PLEKHA8: variants seen among roughly 807,000 people sequenced by gnomAD.
PLEKHA8 encodes the protein pleckstrin homology domain-containing family A member 8.
Under a neutral mutation model 68.2 loss-of-function variants are expected in PLEKHA8, and 36 were observed. That is an observed-to-expected ratio of 0.53 (90% confidence interval 0.40 to 0.70). The LOEUF (loss-of-function observed/expected upper bound fraction) is 0.70, where lower values mean the gene tolerates loss of function less well. Ranked by LOEUF, PLEKHA8 falls within the 30% of genes least tolerant of loss-of-function variation. The pLI is 0.00. For synonymous variants in PLEKHA8, 211 were observed against 216.1 expected, an observed-to-expected ratio of 0.98 and a Z score of 0.20; for missense variants, 505 against 615.4, an observed-to-expected ratio of 0.82 and a Z score of 1.90.
At chr7:30,072,415 A>C (rs1794296963) in intron 12 of PLEKHA8, among the ~76,000 whole-genome samples, 1 of 152,274 alleles carries the variant, frequency 6.6e-6, no homozygotes, top group Non-Finnish European at 1.5e-5. Flanking sequence ...ATATTCTAAA[A>C]GTATTAATAA....
intron 13 of PLEKHA8, among the ~76,000 whole-genome samples, chr7:30,076,353 G>A (rs1372726844): frequency 6.6e-6 from 1 of 152,058 alleles, no homozygotes; most frequent in African/African-American, 2.4e-5. Context: ...GAATAAAACA[G>A]GTTAGAAATA....
chr7:30,046,065 GA>G (rs1269339477), intron 2 of PLEKHA8, 144 bp from the exon 3 acceptor site: 1 of 687,546 alleles, frequency 1.5e-6, no homozygotes, highest in African/African-American at 1.8e-5. Context: ...AACTTTGTGT[GA>G]ATTAGGAGAG....
chr7:30,129,237 C>T (rs1222864808), intron 13 of PLEKHA8: 2 of 1,612,762 alleles, frequency 1.2e-6, no homozygotes, highest in South Asian at 1.1e-5. Flanking sequence ...CTGTGTTCCT[C>T]TGTCCTTCCC....
At chr7:30,113,302 CT>C (rs56866396) in intron 13 of PLEKHA8, among the ~76,000 whole-genome samples, 2 of 152,074 alleles carry the variant, frequency 1.3e-5, no homozygotes, top group Non-Finnish European at 2.9e-5. Flanking sequence ...CTAAAAATGT[CT>C]TTTTTCTGCC....
chr7:30,116,027 T>C (rs180702145), intron 13 of PLEKHA8: 1 of 149,582 alleles, frequency 6.7e-6, no homozygotes, highest in East Asian at 2.0e-4. Context: ...TACATACGTA[T>C]ACATACATGT....
At chr7:30,085,960 C>T (rs566491467), downstream of PLEKHA8, among the ~76,000 whole-genome samples, 10 of 152,328 alleles carry the variant, frequency 6.6e-5, no homozygotes, top group South Asian at 1.4e-3. Flanking sequence ...TTTCCTAGTT[C>T]CAGCTGTCTG....
Position 30,104,713 on chromosome 7 carries a change from C to CTT in PLEKHA8, c.1363-24529_1363-24528dup, listed in dbSNP as rs34669397. On this transcript the variant is annotated intron_variant, in intron 13 of 13. Coordinates refer to the PLEKHA8 transcript ENST00000396257. The stretch of plus-strand genomic sequence containing the variant: ...TGTTGAGTGGTAAAGGTCACAACAG[C>CTT]TTTTTTTTTTTTTTTTTTTTTTTTT... Among the ~76,000 whole-genome samples, 181 of 102,892 alleles carry CTT rather than the reference C, an allele frequency of 1.8e-3. 2 individuals carry two copies. The highest frequency in any genetic ancestry group is 5.9e-3 in the Middle Eastern group (1 of 170). 67.5% of individuals were successfully genotyped at this position (102,892 alleles called of 152,430 possible).
At chr7:30,074,896 C>G (rs1211472191) in intron 13 of PLEKHA8, among the ~76,000 whole-genome samples, 4 of 152,160 alleles carry the variant, frequency 2.6e-5, no homozygotes, top group African/African-American at 9.7e-5. Flanking sequence ...GGGGAAGTCA[C>G]TTAGACTGCT....
intron 12 of PLEKHA8, among the ~76,000 whole-genome samples, chr7:30,089,868 A>G (rs1664254421): frequency 6.6e-6 from 1 of 152,206 alleles, no homozygotes; most frequent in African/African-American, 2.4e-5. Flanking sequence ...CTAAAATAAT[A>G]TAGAACAAAT....
chr7:30,046,416 C>G, intron 3 of PLEKHA8, 51 bp downstream of exon 3: 5 of 1,511,390 alleles, frequency 3.3e-6, no homozygotes, highest in Non-Finnish European at 4.4e-6. Flanking sequence ...CACCCACTGG[C>G]ATCTCTGATT....
At chr7:30,117,803 C>T (rs912115494) in intron 13 of PLEKHA8, among the ~76,000 whole-genome samples, 1 of 152,032 alleles carries the variant, frequency 6.6e-6, no homozygotes, top group African/African-American at 2.4e-5. Context: ...GTTTAGTGTG[C>T]ACACTAAAAA....
At chr7:30,036,420 A>G (rs934751495) in intron 1 of PLEKHA8, among the ~76,000 whole-genome samples, 3 of 99,774 alleles carry the variant, frequency 3.0e-5, no homozygotes, top group Admixed American at 1.1e-4. Context: ...AGATAGATAG[A>G]TAGATAGATA....
chr7:30,105,884 C>A (rs1028487604), intron 13 of PLEKHA8, among the ~76,000 whole-genome samples: 10 of 152,104 alleles, frequency 6.6e-5, no homozygotes, highest in Non-Finnish European at 1.2e-4. Flanking sequence ...CTTTGTATGT[C>A]ATTCTTTTGT....
chr7:30,125,911 AT>A (rs1366248379), intron 13 of PLEKHA8, among the ~76,000 whole-genome samples: 1 of 151,904 alleles, frequency 6.6e-6, no homozygotes, highest in Non-Finnish European at 1.5e-5. Context: ...CAACTTGCCT[AT>A]TTTTTTATTT....
chr7:30,123,295 T>C (rs527372127), intron 13 of PLEKHA8, among the ~76,000 whole-genome samples: 5 of 152,254 alleles, frequency 3.3e-5, no homozygotes, highest in Non-Finnish European at 5.9e-5. Flanking sequence ...AGTTAGGGGA[T>C]AGTAGGATTA....
At chr7:30,042,654 T>C (rs1791628966) in intron 1 of PLEKHA8, among the ~76,000 whole-genome samples, 1 of 152,234 alleles carries the variant, frequency 6.6e-6, no homozygotes, top group Non-Finnish European at 1.5e-5. Flanking sequence ...TGTTGTGTAC[T>C]TCCTTTGTGA....
At position 30,079,757 on chromosome 7, in the gene PLEKHA8, A is replaced by C. The variant is rs1794829552; in HGVS notation, c.*970A>C. On this transcript the variant is annotated 3_prime_UTR_variant, in exon 14 of 14. Transcript: ENST00000449726. ...AGGCCTTATTTTGGCCTAAAGAACCAGAGTCTAGGTGGTGGGACATAGGAA... is the reference window on the plus strand; with the variant it reads ...AGGCCTTATTTTGGCCTAAAGAACCCGAGTCTAGGTGGTGGGACATAGGAA... 1.4e-6 allele frequency: 1 copy of C among 693,264 alleles called. No homozygotes were observed. The highest frequency in any genetic ancestry group is 1.8e-6 in the Non-Finnish European group (1 of 563,846). The allele number at this position is 693,264 out of a possible 1,614,324, so 42.9% of individuals were successfully genotyped here.
exon 13 of PLEKHA8, chr7:30,090,484 A>G (rs969938299): frequency 3.9e-5 from 10 of 254,038 alleles, no homozygotes; most frequent in African/African-American, 1.5e-4. Context: ...AAATAACTCA[A>G]TGATGGATGA....
At chr7:30,051,547 TC>T (rs1258425428) in intron 6 of PLEKHA8, among the ~76,000 whole-genome samples, 1 of 152,210 alleles carries the variant, frequency 6.6e-6, no homozygotes, top group Admixed American at 6.5e-5. Flanking sequence ...TTATGATCGT[TC>T]CTTTAACCGA....
Sources: gnomAD v4.1 joint callset for allele counts (sites outside exome capture counted in the v4.1 genomes callset) on GRCh38, gnomAD v4.1.1 for gene constraint, MANE v1.5 for transcripts, NCBI Gene and HGNC (gene_info 2026-07-23, HGNC 2026-07-21) for gene names.